Variants in DUS3L observed in about 807,000 individuals in gnomAD.
DUS3L encodes tRNA-dihydrouridine(47) synthase [NAD(P)(+)]-like.
A neutral mutation model predicts 74.6 loss-of-function variants in DUS3L; 62 were observed. The ratio of observed to expected loss-of-function variants is 0.83; its 90% CI spans 0.68 to 1.03. The LOEUF (loss-of-function observed/expected upper bound fraction) is 1.03. Among genes scored for constraint, DUS3L ranks in the 50% least tolerant of loss-of-function variants. The pLI is 0.00. For missense variants in DUS3L, 884 were observed against 924.4 expected (o/e 0.96, Z 0.57); for synonymous variants, 433 against 395.7 (o/e 1.09, Z -1.12).
rs117585501 is a variant in DUS3L, at chr19:5,790,703, T to C, written c.98+341A>G. ...CAGGCCCCAGCACGCCCCGCGGCAC[T>C]CGCTTCAACCCCAAGACCCGCCAGT... On this transcript the variant is annotated intron_variant, in intron 1 of 12. Coordinates refer to ENST00000309061, the MANE Select transcript of DUS3L (RefSeq NM_020175.3). 585 of 540,722 alleles carry C rather than the reference T, an allele frequency of 1.1e-3. 10 individuals are homozygous for C. In the East Asian group the frequency reaches 0.019, roughly 17 times the overall value. 33.5% of individuals were successfully genotyped at this position (540,722 alleles called of 1,614,324 possible).
Position 5,786,848 on chromosome 19 carries a change from G to A in DUS3L, c.1390-3C>T. 1 of 1,606,184 alleles carries A rather than the reference G, an allele frequency of 6.2e-7. No homozygotes were observed. Among genetic ancestry groups the A allele is most frequent in the Non-Finnish European group, 8.5e-7 (1 of 1,177,376 alleles). On this transcript the variant is annotated splice_region_variant and splice_polypyrimidine_tract_variant and intron_variant, in intron 8 of 12. Transcript: ENST00000309061. ...TGCTCCCGAGAGCGGCCGTGGAGCT[G>A]GGGGAGAAGCCGCCACGCAGGGTAG...
chr19:5,790,317 C>A lies in DUS3L; in HGVS notation c.117G>T (p.Glu39Asp). The change falls in exon 2 of 13, where the codon GAG becomes GAT. Residue 39 changes from glutamate to aspartate, a missense_variant. Coordinates refer to ENST00000309061, the MANE Select transcript of DUS3L (RefSeq NM_020175.3). ...TGGCTTCCAGGAATTGGTGAAACTG[C>A]TCCTTGGTGGTGAGGTATCTGCCGA... is the stretch of plus-strand genomic sequence containing the variant. ...PIKRQYLTTK[E>D]QFHQFLEAKG... 6.2e-7 allele frequency: 1 copy of A among 1,614,112 alleles called. No homozygotes were observed. Among genetic ancestry groups the A allele is most frequent in the Non-Finnish European group, 8.5e-7 (1 of 1,180,018 alleles).
chr19:5,786,191 G>A (rs1189913759), intron 10 of DUS3L, among the ~76,000 whole-genome samples: 6 of 152,098 alleles, frequency 3.9e-5, no homozygotes, highest in South Asian at 4.1e-4. Context: ...TCAAATGATC[G>A]GCGTGCCTTG....
intron 1 of DUS3L, 87 bp downstream of exon 1, chr19:5,790,957 T>C: frequency 1.1e-5 from 14 of 1,327,426 alleles, no homozygotes; most frequent in Non-Finnish European, 1.5e-5. Flanking sequence ...CCTCAGCCGC[T>C]GCCTAATCTC....
chr19:5,790,166 C>T lies in DUS3L; in HGVS notation c.268G>A (p.Ala90Thr). 1.2e-6 allele frequency: 2 copies of T among 1,614,150 alleles called. No individual in the cohort carries two copies. Among genetic ancestry groups the T allele is most frequent in the Non-Finnish European group, 1.7e-6 (2 of 1,180,026 alleles). Residue 90 changes from alanine (A) to threonine (T), a missense_variant, in exon 2 of 13, where the codon GCA becomes ACA. Physicochemically the swap from Ala to Thr is moderately conservative, Grantham distance 58. Coordinates refer to ENST00000309061, the MANE Select transcript of DUS3L (RefSeq NM_020175.3). ...GQTADGQTEEAAEPGEQLQTQ... is the reference protein window; with the variant it reads ...GQTADGQTEETAEPGEQLQTQ... ...TGTAGCTGCTCCCCGGGCTCTGCTGCCTCCTCCGTCTGCCCGTCCGCCGTC... is the reference window on the plus strand; with the variant it reads ...TGTAGCTGCTCCCCGGGCTCTGCTGTCTCCTCCGTCTGCCCGTCCGCCGTC...
chr19:5,788,657 C>T (rs1262136157), intron 3 of DUS3L, among the ~76,000 whole-genome samples: 1 of 152,050 alleles, frequency 6.6e-6, no homozygotes, highest in Non-Finnish European at 1.5e-5. Flanking sequence ...CCACATTTGT[C>T]CCCCGCTGCC....
chr19:5,786,582 A>C, intron 9 of DUS3L, 40 bp from the exon 10 acceptor site: 1 of 1,605,680 alleles, frequency 6.2e-7, no homozygotes, highest in Non-Finnish European at 8.5e-7. Context: ...AGACATGGGC[A>C]GGTGGGACCC....
At chr19:5,788,223 A>G in intron 4 of DUS3L, 47 bp from the exon 5 acceptor site, 1 of 1,609,210 alleles carries the variant, frequency 6.2e-7, no homozygotes, top group South Asian at 1.1e-5. Flanking sequence ...ACGCGCACAC[A>G]CACACACACA....
chr19:5,790,405 A>T, intron 1 of DUS3L, 70 bp from the exon 2 acceptor site: 1 of 1,578,172 alleles, frequency 6.3e-7, no homozygotes. Flanking sequence ...GAGGCTAGAA[A>T]CACTTGCACG....
chr19:5,787,417 TC>T, intron 6 of DUS3L, 56 bp from the exon 7 acceptor site: 1 of 1,585,788 alleles, frequency 6.3e-7, no homozygotes, highest in Non-Finnish European at 8.6e-7. Context: ...CCAAGACCCC[TC>T]ACCCCTGCTG....
At chr19:5,790,369 A>G in intron 1 of DUS3L, 34 bp from the exon 2 acceptor site, 2 of 1,612,398 alleles carry the variant, frequency 1.2e-6, no homozygotes, top group Non-Finnish European at 1.7e-6. Context: ...AACCCTCCGA[A>G]CATAGTCAAT....
Position 5,785,496 on chromosome 19 carries a change from C to A in DUS3L, c.1767G>T (p.Gly589=). ...TCCTCTGTGGGAGCCGCTCCAGCAG[C>A]CCCACGGGCACGTACCTGCGGCGGG... ...LSFLCRYVPV[G]LLERLPQRIN... Residue 589 remains glycine (G), a synonymous_variant, in exon 12 of 13, where the codon GGG becomes GGT. Coordinates refer to ENST00000309061, the MANE Select transcript of DUS3L (RefSeq NM_020175.3). 1 of 1,569,136 alleles carries A rather than the reference C, an allele frequency of 6.4e-7. No individual in the cohort carries two copies. The highest frequency in any genetic ancestry group is 8.6e-7 in the Non-Finnish European group (1 of 1,157,386).
At chr19:5,790,706 C>A (rs1301053331) in intron 1 of DUS3L, 1 of 546,286 alleles carries the variant, frequency 1.8e-6, no homozygotes, top group Non-Finnish European at 3.3e-6. Flanking sequence ...GCGGCACTCG[C>A]TTCAACCCCA....
intron 9 of DUS3L, 38 bp downstream of exon 9, chr19:5,786,711 T>C: frequency 6.3e-7 from 1 of 1,598,864 alleles, no homozygotes; most frequent in Non-Finnish European, 8.5e-7. Context: ...TGACCAAGGG[T>C]GGTAGGGGAG....
Position 5,786,529 on chromosome 19 carries a change from G to A in DUS3L, c.1500C>T (p.Ile500=). ...CGCGGTTGGCATCCTCAAATGACAA[G>A]ATGTCCCCATTTCCTGAGGAGACAG... is the stretch of plus-strand genomic sequence containing the variant. ...SPMPLFGNGD[I]LSFEDANRAM... Residue 500 remains isoleucine (I), a synonymous_variant, in exon 10 of 13, where the codon ATC becomes ATT. Coordinates refer to ENST00000309061, the MANE Select transcript of DUS3L (RefSeq NM_020175.3). The A allele has an allele frequency of 6.2e-7, 1 of 1,613,096 alleles. No homozygotes were observed.
Position 5,789,671 on chromosome 19 carries a change from C to T in DUS3L, c.436G>A (p.Asp146Asn). 1 of 1,609,548 alleles carries T rather than the reference C, an allele frequency of 6.2e-7. No homozygotes were observed. Among genetic ancestry groups the T allele is most frequent in the Non-Finnish European group, 8.5e-7 (1 of 1,178,760 alleles). The stretch of plus-strand genomic sequence containing the variant: ...TTGGTCTCCAGGTAGCGCCCCACGT[C>T]GTGCAGAAAGCGGCAGCGATCACCG... ...FFGDRCRFLH[D>N]VGRYLETKPA... Residue 146 changes from aspartate to asparagine, a missense_variant, in exon 3 of 13, where the codon GAC (aspartate) becomes AAC (asparagine). Coordinates refer to ENST00000309061, the MANE Select transcript of DUS3L (RefSeq NM_020175.3).
At position 5,789,666 on chromosome 19, in the gene DUS3L, C is replaced by T; in HGVS notation, c.441G>A (p.Val147=). The stretch of plus-strand genomic sequence containing the variant: ...CCGGCTTGGTCTCCAGGTAGCGCCC[C>T]ACGTCGTGCAGAAAGCGGCAGCGAT... ...FGDRCRFLHD[V]GRYLETKPAD... is the part of the protein sequence containing the mutation. The change falls in exon 3 of 13, where the codon GTG becomes GTA. Residue 147 remains valine, a synonymous_variant. Transcript: ENST00000309061. 1 of 1,609,616 alleles carries T rather than the reference C, an allele frequency of 6.2e-7. No individual in the cohort carries two copies. The highest frequency in any genetic ancestry group is 1.1e-5 in the South Asian group (1 of 90,340).
intron 5 of DUS3L, 137 bp from the exon 6 acceptor site, chr19:5,787,842 G>A (rs1182842557): frequency 1.6e-5 from 23 of 1,427,988 alleles, no homozygotes; most frequent in Non-Finnish European, 2.1e-5. Flanking sequence ...GCCAAGGTCT[G>A]TCTGCGAGGC....
intron 1 of DUS3L, chr19:5,790,744 A>ACGTCCATAT: frequency 1.8e-6 from 1 of 562,644 alleles, no homozygotes; most frequent in Non-Finnish European, 3.2e-6. Flanking sequence ...CCGCTGGCAG[A>ACGTCCATAT]GCACATGCGC....
Sources: gnomAD v4.1 joint callset for allele counts (sites outside exome capture counted in the v4.1 genomes callset) on GRCh38, gnomAD v4.1.1 for gene constraint, MANE v1.5 for transcripts, NCBI Gene and HGNC (gene_info 2026-07-23, HGNC 2026-07-21) for gene names.